GNG12: variants seen among roughly 807,000 people sequenced by gnomAD.
GNG12 encodes the protein G protein subunit gamma 12.
For missense variants in GNG12, 69 were observed against 83.8 expected, an observed-to-expected ratio of 0.82 and a Z score of 0.69; for synonymous variants, 28 against 29.7, an observed-to-expected ratio of 0.94 and a Z score of 0.19.
intron 2 of GNG12, among the ~76,000 whole-genome samples, chr1:67,749,368 C>T (rs1446906515): frequency 6.6e-6 from 1 of 152,118 alleles, no homozygotes; most frequent in Non-Finnish European, 1.5e-5. Context: ...AAAAGCCCTT[C>T]CAAGGCTGTA....
At chr1:67,809,663 G>A (rs1646912317) in intron 1 of GNG12, among the ~76,000 whole-genome samples, 1 of 152,128 alleles carries the variant, frequency 6.6e-6, no homozygotes, top group Non-Finnish European at 1.5e-5. Context: ...CAGATGGCAA[G>A]TAAGTGTCTG....
At chr1:67,705,616 T>A in intron 3 of GNG12, 40 bp from the exon 4 acceptor site, 1 of 1,590,466 alleles carries the variant, frequency 6.3e-7, no homozygotes, top group Non-Finnish European at 8.5e-7. Context: ...AAAGAAAATA[T>A]TTTACTTGCA....
At chr1:67,827,434 T>TA (rs1374858620) in intron 1 of GNG12, among the ~76,000 whole-genome samples, 1 of 151,756 alleles carries the variant, frequency 6.6e-6, no homozygotes, top group Non-Finnish European at 1.5e-5. Flanking sequence ...GTTTTTTTTT[T>TA]TATTTTTTTA....
intron 2 of GNG12, among the ~76,000 whole-genome samples, chr1:67,734,224 A>G (rs189666253): frequency 6.6e-6 from 1 of 151,778 alleles, no homozygotes; most frequent in East Asian, 2.0e-4. Context: ...TATCTAGTAC[A>G]AGCAGATGGT....
intron 2 of GNG12, among the ~76,000 whole-genome samples, chr1:67,743,734 G>C (rs1646494770): frequency 6.6e-6 from 1 of 152,294 alleles, no homozygotes; most frequent in South Asian, 2.1e-4. Context: ...TAATGCTTAA[G>C]ACACTTCTAT....
chr1:67,818,168 T>G (rs867621537), intron 1 of GNG12, among the ~76,000 whole-genome samples: 3 of 152,194 alleles, frequency 2.0e-5, no homozygotes, highest in Non-Finnish European at 4.4e-5. Context: ...ACTAGGTGGT[T>G]TGAAGGAAAC....
At position 67,709,854 on chromosome 1, in the gene GNG12, A is replaced by ATATATATATAGTTATATATATATT. The variant is rs1433697049; in HGVS notation, c.-26-2166_-26-2143dup. 1.3e-3 allele frequency among the ~76,000 whole-genome samples: 161 copies of ATATATATATAGTTATATATATATT among 121,530 alleles called. 7 individuals are homozygous for ATATATATATAGTTATATATATATT. Among genetic ancestry groups the ATATATATATAGTTATATATATATT allele is most frequent in the African/African-American group, 5.2e-3 (154 of 29,434 alleles). The allele number at this position is 121,530 out of a possible 152,430, so 79.7% of individuals were successfully genotyped here. ...TATATATATATTTGTATATATATTT[A>ATATATATATAGTTATATATATATT]TATATATATAGTTATATATATATTT... On this transcript the variant is annotated intron_variant, in intron 2 of 3. Transcript: ENST00000370982.
At chr1:67,756,624 G>A (rs1646570123) in intron 2 of GNG12, among the ~76,000 whole-genome samples, 1 of 152,180 alleles carries the variant, frequency 6.6e-6, no homozygotes, top group Admixed American at 6.5e-5. Flanking sequence ...GAGTGCACGT[G>A]TGTGTGCATA....
chr1:67,830,163 G>A (rs1044830492), intron 1 of GNG12, among the ~76,000 whole-genome samples: 1 of 152,056 alleles, frequency 6.6e-6, no homozygotes, highest in Admixed American at 6.6e-5. Flanking sequence ...GCGCCATCAC[G>A]CCTGGTTTAT....
chr1:67,770,799 T>TC (rs1646669938), intron 2 of GNG12, among the ~76,000 whole-genome samples: 1 of 151,570 alleles, frequency 6.6e-6, no homozygotes, highest in Non-Finnish European at 1.5e-5. Context: ...TGCTGCACAC[T>TC]CCCCCTGACC....
intron 2 of GNG12, among the ~76,000 whole-genome samples, chr1:67,763,794 T>C (rs1646620469): frequency 6.6e-6 from 1 of 152,216 alleles, no homozygotes; most frequent in Non-Finnish European, 1.5e-5. Flanking sequence ...TTTCCACCAT[T>C]AATTTTTATA....
intron 2 of GNG12, among the ~76,000 whole-genome samples, chr1:67,718,034 G>T (rs1646336399): frequency 6.6e-6 from 1 of 152,174 alleles, no homozygotes; most frequent in Non-Finnish European, 1.5e-5. Context: ...GACATGCACT[G>T]GTCCTCAGGA....
At position 67,710,138 on chromosome 1, in the gene GNG12, TTATATATATATAGTTA is replaced by T. The variant is rs1557592311; in HGVS notation, c.-26-2442_-26-2427del. Among the ~76,000 whole-genome samples the T allele has an allele frequency of 4.2e-3, 25 of 5,920 alleles. 2 individuals are homozygous for T. Among genetic ancestry groups the T allele is most frequent in the Non-Finnish European group, 7.2e-3 (22 of 3,062 alleles). The allele number at this position is 5,920 out of a possible 152,430, so 3.9% of individuals were successfully genotyped here. ...GTTATATATATAGTTATATATATAG[TTATATATATATAGTTA>T]TATATATATAGTTATATATATATAG... On this transcript the variant is annotated intron_variant, in intron 2 of 3. Coordinates refer to ENST00000370982, the MANE Select transcript of GNG12 (RefSeq NM_018841.6).
intron 2 of GNG12, among the ~76,000 whole-genome samples, chr1:67,761,283 A>C (rs1303680056): frequency 6.6e-6 from 1 of 152,218 alleles, no homozygotes; most frequent in African/African-American, 2.4e-5. Flanking sequence ...AATCTTCTTC[A>C]CAACCTATGA....
intron 2 of GNG12, among the ~76,000 whole-genome samples, chr1:67,758,759 T>G (rs1368923667): frequency 1.3e-5 from 2 of 152,328 alleles, no homozygotes; most frequent in Middle Eastern, 3.4e-3. Context: ...TAAAAACATT[T>G]GCCTTTTCCT....
intron 1 of GNG12, among the ~76,000 whole-genome samples, chr1:67,789,259 G>A (rs1234470686): frequency 1.3e-5 from 2 of 152,200 alleles, no homozygotes; most frequent in African/African-American, 2.4e-5. Context: ...GCTCTTTGGT[G>A]AGAATCCTGA....
intron 2 of GNG12, among the ~76,000 whole-genome samples, chr1:67,752,863 C>T (rs1360926414): frequency 6.6e-6 from 1 of 152,180 alleles, no homozygotes; most frequent in Non-Finnish European, 1.5e-5. Flanking sequence ...CTGTTAGACA[C>T]TAAGTGCCAA....
chr1:67,723,523 C>T (rs1246044744), intron 2 of GNG12, among the ~76,000 whole-genome samples: 8 of 152,172 alleles, frequency 5.3e-5, no homozygotes, highest in Admixed American at 4.6e-4. Context: ...TTTCTATGTA[C>T]TCTGGTAGTT....
intron 1 of GNG12, among the ~76,000 whole-genome samples, chr1:67,784,724 C>T (rs534797879): frequency 1.3e-5 from 2 of 152,266 alleles, no homozygotes; most frequent in Non-Finnish European, 1.5e-5. Context: ...GCATTTGCTA[C>T]AAATAGATTC....
Sources: allele counts gnomAD v4.1 joint callset (sites outside exome capture counted in the v4.1 genomes callset), GRCh38; gene constraint gnomAD v4.1.1; transcripts MANE v1.5; gene names NCBI Gene and HGNC (gene_info 2026-07-23, HGNC 2026-07-21).